The following USP34 variants were observed in gnomAD, a reference collection of about 807,000 sequenced individuals.
The protein encoded by USP34 is ubiquitin specific peptidase 34, also known as ubiquitin carboxyl-terminal hydrolase 34.
Under a neutral mutation model 460.3 loss-of-function variants are expected in USP34, and 70 were observed. The ratio of observed to expected loss-of-function variants is 0.15; its 90% confidence interval spans 0.13 to 0.19. USP34 has a LOEUF of 0.19. USP34 is among the 10% of genes least tolerant of loss of function. The pLI, the probability that USP34 is intolerant of heterozygous loss-of-function variation, is 1.00. For missense variants in USP34, 3,985 were observed against 4,236.2 expected (o/e 0.94, Z 1.65); for synonymous variants, 1,647 against 1,405.3 (o/e 1.17, Z -3.85).
chr2:61,463,886 CCAAA>C (rs1009751190), intron 1 of USP34, among the ~76,000 whole-genome samples: 22 of 151,926 alleles, frequency 1.4e-4, no homozygotes, highest in African/African-American at 3.4e-4. Context: ...TGTGGTTCCA[CCAAA>C]CAGTCACATG....
Position 61,214,372 on chromosome 2 carries a change from T to G in USP34, c.8370A>C (p.Pro2790=), listed in dbSNP as rs768817933. 1 of 1,614,218 alleles carries G rather than the reference T, an allele frequency of 6.2e-7. No individual in the cohort carries two copies. ...WNLFQPKLSE[P]AIATNHNKQA... ...GTTTATTGTGATTTGTAGCTATTGC[T>G]GGCTCAGAAAGTTTAGGCTGGAAAA... is the stretch of plus-strand genomic sequence containing the variant. Residue 2790 remains proline, a synonymous_variant, in exon 68 of 80, where the codon CCA becomes CCC. Transcript: ENST00000398571.
At chr2:61,413,104 G>A (rs1353969548) in intron 2 of USP34, among the ~76,000 whole-genome samples, 1 of 152,064 alleles carries the variant, frequency 6.6e-6, no homozygotes, top group Non-Finnish European at 1.5e-5. Context: ...GTAATTAAGA[G>A]TATCAAGGAG....
At position 61,188,443 on chromosome 2, in the gene USP34, G is replaced by C. The variant is rs764737207; in HGVS notation, c.10300C>G (p.His3434Asp). The C allele has an allele frequency of 1.9e-6, 3 of 1,614,194 alleles. No homozygotes were observed. In the Admixed American group the frequency reaches 5.0e-5, roughly 27 times the overall value. Residue 3434 changes from histidine (H) to aspartate (D), a missense_variant, in exon 80 of 80, where the codon CAT (histidine) becomes GAT (aspartate). Physicochemically the swap from His to Asp is moderately conservative, Grantham distance 81 (BLOSUM62 -1). This residue lies in a region of USP34 where 506 missense variants were observed against 439.0 expected (regional missense o/e 1.15). Coordinates refer to ENST00000398571, the MANE Select transcript of USP34 (RefSeq NM_014709.4). ...CCATTGTTGGACTGTTCTTCTGCAT[G>C]CTGTGACCTGATATTTGACATGTCT... Reference protein sequence around the residue: ...SEDMSNIRSQHAEEQSNNGRY... With the variant: ...SEDMSNIRSQDAEEQSNNGRY...
At chr2:61,281,037 G>A in intron 38 of USP34, 53 bp downstream of exon 38, 1 of 1,568,056 alleles carries the variant, frequency 6.4e-7, no homozygotes, top group Non-Finnish European at 8.7e-7. Flanking sequence ...GGTAAACTGA[G>A]GCAAAGGAAA....
intron 1 of USP34, among the ~76,000 whole-genome samples, chr2:61,435,107 C>T (rs1035773649): frequency 6.6e-6 from 1 of 151,810 alleles, no homozygotes; most frequent in Non-Finnish European, 1.5e-5. Flanking sequence ...AATTCAAAAC[C>T]AGCCTGGGCA....
intron 62 of USP34, among the ~76,000 whole-genome samples, chr2:61,224,609 C>T (rs7570707): frequency 0.55 from 83,098 of 152,038 alleles, 23,816 homozygotes; most frequent in African/African-American, 0.73. Context: ...TTGGTTGCCA[C>T]GAAGTATACT....
At chr2:61,375,135 C>T (rs1460533962) in intron 8 of USP34, among the ~76,000 whole-genome samples, 2 of 152,058 alleles carry the variant, frequency 1.3e-5, no homozygotes, top group African/African-American at 4.8e-5. Flanking sequence ...TGGCAAATAA[C>T]CACATAAAAA....
At chr2:61,463,968 C>T (rs1695683779) in intron 1 of USP34, among the ~76,000 whole-genome samples, 1 of 150,796 alleles carries the variant, frequency 6.6e-6, no homozygotes, top group African/African-American at 2.4e-5. Context: ...TGACAGAGTA[C>T]CTCCCTCAAA....
In USP34 at chr2:61,215,877, A is replaced by G. The variant is rs551948028; in HGVS notation, c.8048-1183T>C. 1.1e-4 allele frequency among the ~76,000 whole-genome samples: 16 copies of G among 152,324 alleles called. No homozygotes were observed. In the East Asian group the frequency reaches 2.3e-3, roughly 22 times the overall value. ...ACAATGGGACTATCTCAGCTTACACAGCTAGTGGCCAGAGCTGGGATTCAA... is the reference window on the plus strand; with the variant it reads ...ACAATGGGACTATCTCAGCTTACACGGCTAGTGGCCAGAGCTGGGATTCAA... On this transcript the variant is annotated intron_variant, in intron 67 of 79. Coordinates refer to ENST00000398571, the MANE Select transcript of USP34 (RefSeq NM_014709.4).
intron 23 of USP34, among the ~76,000 whole-genome samples, chr2:61,316,628 T>C (rs550379835): frequency 1.3e-5 from 2 of 151,124 alleles, no homozygotes; most frequent in South Asian, 4.2e-4. Flanking sequence ...CTCATGCCTG[T>C]AATCCCAGCA....
At chr2:61,296,665 C>T (rs1004982797) in intron 30 of USP34, 135 bp downstream of exon 30, 2 of 846,914 alleles carry the variant, frequency 2.4e-6, no homozygotes, top group Non-Finnish European at 3.4e-6. Flanking sequence ...TGCAGTGGCA[C>T]TTTTTACCTA....
At chr2:61,272,472 A>G (rs1157090968) in intron 41 of USP34, among the ~76,000 whole-genome samples, 1 of 151,878 alleles carries the variant, frequency 6.6e-6, no homozygotes, top group Non-Finnish European at 1.5e-5. Flanking sequence ...AATCCAACAT[A>G]TATATCCAAA....
chr2:61,429,396 A>C (rs896885541), intron 1 of USP34, among the ~76,000 whole-genome samples: 1 of 152,068 alleles, frequency 6.6e-6, no homozygotes, highest in Non-Finnish European at 1.5e-5. Context: ...GCAGTGAGCC[A>C]AGATTGCACC....
At chr2:61,213,539 C>T (rs1687325616) in intron 68 of USP34, among the ~76,000 whole-genome samples, 1 of 152,122 alleles carries the variant, frequency 6.6e-6, no homozygotes, top group Non-Finnish European at 1.5e-5. Context: ...AGTAAGTGTG[C>T]AGAGTAAAAG....
At chr2:61,378,275 A>T (rs1477002876) in intron 8 of USP34, 88 bp downstream of exon 8, 1 of 1,016,866 alleles carries the variant, frequency 9.8e-7, no homozygotes, top group African/African-American at 1.7e-5. Flanking sequence ...TTCTAGTAAA[A>T]ATTTTAAATC....
chr2:61,297,805 C>G (rs1396206422), intron 29 of USP34, among the ~76,000 whole-genome samples: 1 of 152,088 alleles, frequency 6.6e-6, no homozygotes, highest in Non-Finnish European at 1.5e-5. Context: ...TGCAATGGCA[C>G]GATCTCAGCT....
intron 8 of USP34, among the ~76,000 whole-genome samples, chr2:61,371,211 G>A (rs770565036): frequency 6.6e-6 from 1 of 152,136 alleles, no homozygotes; most frequent in Non-Finnish European, 1.5e-5. Context: ...CCATGTCATA[G>A]AGCAATGCAT....
chr2:61,366,626 G>A (rs931940906), intron 10 of USP34, among the ~76,000 whole-genome samples: 3 of 152,136 alleles, frequency 2.0e-5, no homozygotes, highest in South Asian at 2.1e-4. Context: ...AGAAAAGTAC[G>A]AGTAGTTATG....
chr2:61,339,527 T>A, intron 17 of USP34, 39 bp downstream of exon 17: 4 of 1,563,434 alleles, frequency 2.6e-6, no homozygotes, highest in Non-Finnish European at 3.5e-6. Flanking sequence ...TGCATCTTGC[T>A]GAAATTTCTT....
Sources: gnomAD v4.1 joint callset for allele counts (sites outside exome capture counted in the v4.1 genomes callset) on GRCh38, gnomAD v4.1.1 for gene constraint, gnomAD v4.1.1 regional missense constraint, MANE v1.5 for transcripts, NCBI Gene and HGNC (gene_info 2026-07-23, HGNC 2026-07-21) for gene names.